Variants in KMT2D observed in about 807,000 individuals in gnomAD.
KMT2D encodes the protein histone-lysine N-methyltransferase 2D.
A neutral mutation model predicts 512.7 loss-of-function variants in KMT2D; 55 were observed. The observed-to-expected ratio is 0.11, with a 90% CI of 0.09 to 0.13. The LOEUF (loss-of-function observed/expected upper bound fraction) is 0.13, where lower values mean the gene tolerates loss of function less well. Ranked by LOEUF, KMT2D falls within the 10% of genes least tolerant of loss-of-function variation. The probability of loss-of-function intolerance (pLI) is 1.00; values close to 1 mark genes in which losing one functional copy is unlikely to be tolerated. For missense variants in KMT2D, 6,061 were observed against 7,127.9 expected, an observed-to-expected ratio of 0.85 and a Z score of 5.39; for synonymous variants, 2,995 against 2,904.0, an observed-to-expected ratio of 1.03 and a Z score of -1.01.
Position 49,051,292 on chromosome 12 carries a change from C to G in KMT2D, c.2391G>C (p.Leu797=), listed in dbSNP as rs756053697. The change falls in exon 11 of 55, where the codon CTG becomes CTC. Residue 797 remains leucine, a synonymous_variant. Transcript: ENST00000301067. ...GGTGCAATTCCTCAGGCTGAGGGGACAGATGTGGTCCCTCAGCCTGGGGGG... is the reference window on the plus strand; with the variant it reads ...GGTGCAATTCCTCAGGCTGAGGGGAGAGATGTGGTCCCTCAGCCTGGGGGG... ...HLSPQAEGPH[L]SPQPEELHLS... is the part of the protein sequence containing the mutation. The G allele has an allele frequency of 6.4e-7, 1 of 1,568,180 alleles. No individual in the cohort carries two copies. Among genetic ancestry groups the G allele is most frequent in the Non-Finnish European group, 8.7e-7 (1 of 1,155,664 alleles).
Position 49,048,650 on chromosome 12 carries a change from G to A in KMT2D, c.4131+9C>T, listed in dbSNP as rs373471195. On this transcript the variant is annotated intron_variant, in intron 14 of 54. Coordinates refer to ENST00000301067, the MANE Select transcript of KMT2D (RefSeq NM_003482.4). ...AATGTTCAGTGTGCCAGGTCTCACTGTATGGTACCTGCATTAGGACAAATT... is the reference window on the plus strand; with the variant it reads ...AATGTTCAGTGTGCCAGGTCTCACTATATGGTACCTGCATTAGGACAAATT... 7 of 1,549,490 alleles carry A rather than the reference G, an allele frequency of 4.5e-6. No individual in the cohort carries two copies. The African/African-American group carries it at 9.5e-5, about 21-fold the overall frequency.
chr12:49,023,740 G>A (rs1592100754), intron 51 of KMT2D, among the ~76,000 whole-genome samples: 2 of 152,124 alleles, frequency 1.3e-5, no homozygotes, highest in South Asian at 4.1e-4. Context: ...AGGACTTTTT[G>A]GAACACAGGC....
chr12:49,026,157 T>A lies in KMT2D; in HGVS notation c.15784+25A>T. 1 of 1,535,982 alleles carries A rather than the reference T, an allele frequency of 6.5e-7. No individual in the cohort carries two copies. The highest frequency in any genetic ancestry group is 1.3e-5 in the South Asian group (1 of 79,254). ...GAGAAACTTTTCCCATTCCATATTA[T>A]CCATTTCAAGGGCCCACTGCTCACC... is the stretch of plus-strand genomic sequence containing the variant. On this transcript the variant is annotated intron_variant, in intron 49 of 54. Transcript: ENST00000301067. This position sits in a 1 kb window ranked among gnomAD's most constrained non-coding sequence, Gnocchi z 9.6.
chr12:49,043,494 G>A (rs2120569485), intron 24 of KMT2D, 66 bp from the exon 25 acceptor site: 1 of 1,597,212 alleles, frequency 6.3e-7, no homozygotes, highest in Non-Finnish European at 8.6e-7. Context: ...CAGGTCTCCA[G>A]TCCCACAGCC....
In KMT2D at chr12:49,034,484, G is replaced by A. The variant is rs761035123; in HGVS notation, c.10441-8C>T. ...ATCACCAGCACTCCGCTCCTGCAAT[G>A]AGAGAGGCTGCTAAAGGGTCATTGT... On this transcript the variant is annotated splice_region_variant and splice_polypyrimidine_tract_variant and intron_variant, in intron 37 of 54. Coordinates refer to ENST00000301067, the MANE Select transcript of KMT2D (RefSeq NM_003482.4). 3.8e-5 allele frequency: 62 copies of A among 1,613,382 alleles called. 1 individual carries two copies. In the South Asian group the frequency reaches 6.0e-4, roughly 16 times the overall value.
chr12:49,039,222 C>A lies in KMT2D; in HGVS notation c.8366G>T (p.Arg2789Leu), dbSNP rs1208681909. 2 of 1,613,576 alleles carry A rather than the reference C, an allele frequency of 1.2e-6. No homozygotes were observed. Among genetic ancestry groups the A allele is most frequent in the Non-Finnish European group, 1.7e-6 (2 of 1,179,828 alleles). The stretch of plus-strand genomic sequence containing the variant: ...CCCAGGGAACCTCCTGGAGCCTCAC[C>A]GGCTGTTCACATCCATAGAGGAAGG... The part of the protein sequence containing the change: ...ATPSSMDVNS[R>L]QLVGGSQAFY... The change falls in exon 34 of 55, where the codon CGG (arginine) becomes CTG (leucine). Residue 2789 changes from arginine (R) to leucine (L), a missense_variant and splice_region_variant. Arg to Leu is a moderately radical substitution (Grantham distance 102). Coordinates refer to ENST00000301067, the MANE Select transcript of KMT2D (RefSeq NM_003482.4). The surrounding 1 kb of genome is among the most constrained non-coding windows in gnomAD (Gnocchi z 5.0).
At position 49,026,064 on chromosome 12, in the gene KMT2D, T is replaced by A. The variant is rs60582963; in HGVS notation, c.15784+118A>T. ...CAAGAGACCCCCTGCCTGCCTGAGG[T>A]GGGGGAAGGAGGATCATTCACATAG... On this transcript the variant is annotated intron_variant, in intron 49 of 54. Coordinates refer to ENST00000301067, the MANE Select transcript of KMT2D (RefSeq NM_003482.4). The surrounding 1 kb of genome is among the most constrained non-coding windows in gnomAD (Gnocchi z 9.6). 1.0e-6 allele frequency: 1 copy of A among 967,476 alleles called. No individual in the cohort carries two copies. Among genetic ancestry groups the A allele is most frequent in the Non-Finnish European group, 1.5e-6 (1 of 667,486 alleles). 59.9% of individuals were successfully genotyped at this position (967,476 alleles called of 1,614,324 possible). A position where few individuals can be genotyped will look rare whatever the true frequency, so the allele number is the denominator to read the frequency against.
At position 49,042,232 on chromosome 12, in the gene KMT2D, G is replaced by A. The variant is rs754420100; in HGVS notation, c.5966C>T (p.Thr1989Met). The A allele has an allele frequency of 2.1e-5, 33 of 1,593,996 alleles. No individual in the cohort carries two copies. Among genetic ancestry groups the A allele is most frequent in the Middle Eastern group, 1.7e-4 (1 of 6,036 alleles). The change falls in exon 29 of 55, where the codon ACG becomes ATG. Residue 1989 changes from threonine (T) to methionine (M), a missense_variant. This residue lies in a region of KMT2D where 640 missense variants were observed against 814.3 expected (regional missense o/e 0.79). Coordinates refer to ENST00000301067, the MANE Select transcript of KMT2D (RefSeq NM_003482.4). This position sits in a 1 kb window ranked among gnomAD's most constrained non-coding sequence, Gnocchi z 4.4. ...GGAGAGTCCGTCGCCCTCACCCTCCGTGGTGGGGGTTGTGGGGGTGGAGGG... is the reference window on the plus strand; with the variant it reads ...GGAGAGTCCGTCGCCCTCACCCTCCATGGTGGGGGTTGTGGGGGTGGAGGG... ...TTPSTPTTPT[T>M]EGEGDGLSYN...
rs1285759155 is a variant in KMT2D at position 49,027,829 on chromosome 12, G to A, written c.14617C>T (p.Leu4873=). Residue 4873 remains leucine (L), a synonymous_variant, in exon 48 of 55, where the codon CTA becomes TTA. Transcript: ENST00000301067. ...TGTTTCAGGAGGCTCAAGATGTCTA[G>A]TTGGCTCTTCAGGGTATAGCCAGGC... is the stretch of plus-strand genomic sequence containing the variant. ...VLPGYTLKSQ[L]DILSLLKQES... is the part of the protein sequence containing the mutation. 1.3e-6 allele frequency: 2 copies of A among 1,583,182 alleles called. No individual in the cohort carries two copies. The highest frequency in any genetic ancestry group is 8.6e-7 in the Non-Finnish European group (1 of 1,164,644).
chr12:49,052,681 G>A lies in KMT2D; in HGVS notation c.1141C>T (p.Pro381Ser), dbSNP rs758955636. The change falls in exon 10 of 55, where the codon CCC becomes TCC. Residue 381 changes from proline to serine, a missense_variant. Coordinates refer to ENST00000301067, the MANE Select transcript of KMT2D (RefSeq NM_003482.4). The part of the protein sequence containing the change: ...RFSPPEPGDT[P>S]TDEPDALYVA... The stretch of plus-strand genomic sequence containing the variant: ...TACAGAGCATCGGGCTCGTCAGTGG[G>A]GGTATCGCCAGGCTCTGGGGGTGAA... 1.9e-6 allele frequency: 3 copies of A among 1,613,730 alleles called. No individual in the cohort carries two copies. Among genetic ancestry groups the A allele is most frequent in the Non-Finnish European group, 2.5e-6 (3 of 1,179,752 alleles).
rs780096090 is a variant in KMT2D, at chr12:49,054,677, C to T, written c.251G>A (p.Arg84His). 7 of 1,612,588 alleles carry T rather than the reference C, an allele frequency of 4.3e-6. No individual in the cohort carries two copies. In the Admixed American group the frequency reaches 1.2e-4, roughly 27 times the overall value. The change falls in exon 4 of 55, where the codon CGC (arginine) becomes CAC (histidine). Residue 84 changes from arginine to histidine, a missense_variant. Coordinates refer to ENST00000301067, the MANE Select transcript of KMT2D (RefSeq NM_003482.4). This position sits in a 1 kb window ranked among gnomAD's most constrained non-coding sequence, Gnocchi z 6.4. ...GGGCCAATCAAATGGCAACTCAAAG[C>T]GCCGTAGCTCCCGCTGCCCGTGTAG... ...PSLHGQRELRRFELPFDWPRC... is the reference protein window; with the variant it reads ...PSLHGQRELRHFELPFDWPRC...
rs761849342 is a variant in KMT2D at position 49,042,300 on chromosome 12, G to C, written c.5898C>G (p.Pro1966=). 1.3e-6 allele frequency: 2 copies of C among 1,556,414 alleles called. No individual in the cohort carries two copies. The highest frequency in any genetic ancestry group is 2.3e-5 in the South Asian group (2 of 85,374). Residue 1966 remains proline (P), a synonymous_variant, in exon 29 of 55, where the codon CCC becomes CCG. Coordinates refer to ENST00000301067, the MANE Select transcript of KMT2D (RefSeq NM_003482.4). This position sits in a 1 kb window ranked among gnomAD's most constrained non-coding sequence, Gnocchi z 4.4. ...RERGGFFSPE[P]GEPDSPWTGS... ...CCGTCCAGGGGCTGTCGGGCTCACCGGGTTCCGGGCTAAAGAAGCCCCCGC... is the reference window on the plus strand; with the variant it reads ...CCGTCCAGGGGCTGTCGGGCTCACCCGGTTCCGGGCTAAAGAAGCCCCCGC...
chr12:49,045,964 G>A lies in KMT2D; in HGVS notation c.4697C>T (p.Pro1566Leu), dbSNP rs2120597128. 1 of 1,614,014 alleles carries A rather than the reference G, an allele frequency of 6.2e-7. No homozygotes were observed. ...CQPYVVKPVA[P>L]VAPPELVPMK... Reference sequence around the variant, plus strand: ...GGGCACCAGCTCTGGAGGTGCAACAGGCGCTATGGAGAGAAGGACAAACGG... The same window carrying A: ...GGGCACCAGCTCTGGAGGTGCAACAAGCGCTATGGAGAGAAGGACAAACGG... The change falls in exon 19 of 55, where the codon CCT (proline) becomes CTT (leucine). Residue 1566 changes from proline (P) to leucine (L), a missense_variant. By Grantham distance (98) the Pro-to-Leu change is moderately conservative. Transcript: ENST00000301067.
chr12:49,051,444 G>T lies in KMT2D; in HGVS notation c.2239C>A (p.Pro747Thr). The T allele has an allele frequency of 6.2e-7, 1 of 1,611,850 alleles. No homozygotes were observed. Among genetic ancestry groups the T allele is most frequent in the Non-Finnish European group, 8.5e-7 (1 of 1,179,312 alleles). ...CGGGGGGACAGGTGCGGCTCCTCAGGCCGGGGTGACAGGTGCGGCCCCTCG... is the reference window on the plus strand; with the variant it reads ...CGGGGGGACAGGTGCGGCTCCTCAGTCCGGGGTGACAGGTGCGGCCCCTCG... ...RSEGPHLSPR[P>T]EEPHLSPRPE... The change falls in exon 11 of 55, where the codon CCT becomes ACT. Residue 747 changes from proline to threonine, a missense_variant. Pro to Thr is a conservative substitution (Grantham distance 38). Transcript: ENST00000301067.
In KMT2D at chr12:49,036,343, G is replaced by A. The variant is rs1338189508; in HGVS notation, c.10231+782C>T. ...TTTTTTTTTTTTAAGACAGAGTCTC[G>A]CTCTGTTGCCCAGCCTGAAGTGCAA... On this transcript the variant is annotated intron_variant, in intron 35 of 54. Transcript: ENST00000301067. Among the ~76,000 whole-genome samples the A allele has an allele frequency of 7.6e-5, 11 of 145,674 alleles. No individual in the cohort carries two copies. In the South Asian group the frequency reaches 8.7e-4, roughly 11 times the overall value.
At position 49,041,123 on chromosome 12, in the gene KMT2D, G is replaced by A. The variant is rs1466593517; in HGVS notation, c.6647C>T (p.Ser2216Phe). Residue 2216 changes from serine to phenylalanine, a missense_variant, in exon 32 of 55, where the codon TCT (serine) becomes TTT (phenylalanine). By Grantham distance (155) the Ser-to-Phe change is radical (BLOSUM62 -2). Around this residue, in one of 16 missense-constraint regions of KMT2D, gnomAD observed 710 missense variants for 647.3 expected, o/e 1.10. Transcript: ENST00000301067. This position sits in a 1 kb window ranked among gnomAD's most constrained non-coding sequence, Gnocchi z 5.4. ...PAQPPMLGAS[S>F]RPGAGQPGEF... ...CCCTGGCTGGCCAGCCCCAGGACGA[G>A]ATGAGGCGCCCAGCATCGGGGGCTG... 5 of 1,528,286 alleles carry A rather than the reference G, an allele frequency of 3.3e-6. No homozygotes were observed. Among genetic ancestry groups the A allele is most frequent in the Middle Eastern group, 1.8e-4 (1 of 5,636 alleles). The allele number at this position is 1,528,286 out of a possible 1,614,324, so 94.7% of individuals were successfully genotyped here.
intron 46 of KMT2D, 148 bp from the exon 47 acceptor site, chr12:49,028,289 C>T: frequency 1.0e-6 from 1 of 974,246 alleles, no homozygotes; most frequent in Non-Finnish European, 1.5e-6. Context: ...TCATACACTT[C>T]CCTCACAGCA....
chr12:49,029,909 C>T (rs746570510), intron 43 of KMT2D, among the ~76,000 whole-genome samples: 5 of 152,166 alleles, frequency 3.3e-5, no homozygotes, highest in African/African-American at 9.7e-5. Flanking sequence ...AGTGAGGAAA[C>T]TGAGGCTCAC....
In KMT2D at chr12:49,019,618, TCTCCCC is replaced by T. The variant is rs1942204616; in HGVS notation, c.*2156_*2161del. The T allele has an allele frequency of 4.4e-6, 1 of 229,592 alleles. No homozygotes were observed. Among genetic ancestry groups the T allele is most frequent in the South Asian group, 1.8e-4 (1 of 5,508 alleles). The allele number at this position is 229,592 out of a possible 1,614,324, so 14.2% of individuals were successfully genotyped here. ...ACACAGCCTGACTCACGGGAGCCAATCTCCCCCTCCCTGTAGCCTAGACCTTCTGCT... is the reference window on the plus strand; with the variant it reads ...ACACAGCCTGACTCACGGGAGCCAATCTCCCTGTAGCCTAGACCTTCTGCT... On this transcript the variant is annotated 3_prime_UTR_variant, in exon 55 of 55. Coordinates refer to ENST00000301067, the MANE Select transcript of KMT2D (RefSeq NM_003482.4).
Sources: allele counts gnomAD v4.1 joint callset (sites outside exome capture counted in the v4.1 genomes callset), GRCh38; gene constraint gnomAD v4.1.1; regional missense constraint gnomAD v4.1.1; non-coding constraint Gnocchi (gnomAD v3.1); transcripts MANE v1.5; gene names NCBI Gene and HGNC (gene_info 2026-07-23, HGNC 2026-07-21).